Variants in PSD3 observed in about 807,000 individuals in gnomAD.
PSD3 encodes the protein PH and SEC7 domain-containing protein 3.
In PSD3, 49 loss-of-function variants were observed where a neutral mutation model predicts 105.5. That is an observed-to-expected ratio of 0.46 (90% CI 0.37 to 0.59). The LOEUF is 0.59. Among genes scored for constraint, PSD3 ranks in the 20% least tolerant of loss-of-function variants. The pLI, the probability that PSD3 is intolerant of heterozygous loss-of-function variation, is 0.00. For synonymous variants in PSD3, 557 were observed against 457.8 expected, an observed-to-expected ratio of 1.22 and a Z score of -2.77; for missense variants, 1,561 against 1,263.8, an observed-to-expected ratio of 1.24 and a Z score of -3.57.
rs535109178 is a variant in PSD3, at chr8:18,621,120, G to T, written c.2410+11493C>A. On this transcript the variant is annotated intron_variant, in intron 11 of 15. Coordinates refer to ENST00000327040, the MANE Select transcript of PSD3 (RefSeq NM_015310.4). ...TCCATTGTTCCTAGTCAAGAGTATTGCTTCCAGCCAGGCACGGTGGCTCAC... is the reference window on the plus strand; with the variant it reads ...TCCATTGTTCCTAGTCAAGAGTATTTCTTCCAGCCAGGCACGGTGGCTCAC... Among the ~76,000 whole-genome samples, 34 of 152,122 alleles carry T rather than the reference G, an allele frequency of 2.2e-4. No homozygotes were observed. In the South Asian group the frequency reaches 2.9e-3, roughly 13 times the overall value.
intron 1 of PSD3, among the ~76,000 whole-genome samples, chr8:18,990,925 T>C (rs761208857): frequency 2.6e-5 from 4 of 152,290 alleles, no homozygotes; most frequent in Non-Finnish European, 5.9e-5. Flanking sequence ...AGCAAAATCC[T>C]GCCTCCAAAG....
At chr8:18,548,758 G>C (rs962129334) in intron 15 of PSD3, among the ~76,000 whole-genome samples, 1 of 152,152 alleles carries the variant, frequency 6.6e-6, no homozygotes, top group African/African-American at 2.4e-5. Context: ...GGCTTGGGGT[G>C]GGGATGGGAG....
At chr8:18,955,279 C>A (rs61538277) in intron 1 of PSD3, among the ~76,000 whole-genome samples, 59,585 of 151,906 alleles carry the variant, frequency 0.39, 11,866 homozygotes, top group Non-Finnish European at 0.41. Flanking sequence ...CTCACTCTGT[C>A]ACCCAGGCTG....
chr8:18,575,335 A>C, intron 12 of PSD3, 50 bp from the exon 13 acceptor site: 1 of 1,465,786 alleles, frequency 6.8e-7, no homozygotes, highest in South Asian at 1.5e-5. Context: ...ATCAGATTTC[A>C]ACTTAATTTT....
intron 14 of PSD3, among the ~76,000 whole-genome samples, 196 bp from the exon 15 acceptor site, chr8:18,556,548 A>G (rs534706158): frequency 6.6e-6 from 1 of 152,268 alleles, no homozygotes; most frequent in East Asian, 1.9e-4. Flanking sequence ...CGGGATGGCA[A>G]TCAAGGCCAA....
intron 1 of PSD3, among the ~76,000 whole-genome samples, chr8:19,045,171 C>T (rs1828273595): frequency 6.6e-6 from 1 of 151,220 alleles, no homozygotes; most frequent in Non-Finnish European, 1.5e-5. Flanking sequence ...GGTGACGGAG[C>T]AAGACTCCAT....
intron 1 of PSD3, among the ~76,000 whole-genome samples, chr8:18,945,877 G>A (rs1203216807): frequency 6.6e-6 from 1 of 152,136 alleles, no homozygotes; most frequent in African/African-American, 2.4e-5. Flanking sequence ...AGGAGGCTGA[G>A]ACAGGAGAAT....
chr8:18,796,282 C>G (rs925408249), intron 8 of PSD3, among the ~76,000 whole-genome samples: 4 of 152,086 alleles, frequency 2.6e-5, no homozygotes, highest in African/African-American at 9.7e-5. Context: ...ATCATAGCAC[C>G]TCAGCAACCT....
intron 1 of PSD3, among the ~76,000 whole-genome samples, chr8:19,007,044 C>G (rs1277429098): frequency 6.6e-6 from 1 of 151,998 alleles, no homozygotes; most frequent in Non-Finnish European, 1.5e-5. Flanking sequence ...CACCTGAGGT[C>G]AGGAGTTTGA....
intron 9 of PSD3, among the ~76,000 whole-genome samples, chr8:18,740,114 GGA>G (rs1173138106): frequency 1.3e-5 from 2 of 152,154 alleles, no homozygotes; most frequent in African/African-American, 2.4e-5. Flanking sequence ...TGCTGTCCAT[GGA>G]GCTGCTCTGG....
At chr8:18,596,255 G>T (rs375918929) in intron 12 of PSD3, among the ~76,000 whole-genome samples, 1 of 151,946 alleles carries the variant, frequency 6.6e-6, no homozygotes, top group African/African-American at 2.4e-5. Flanking sequence ...AACAAAAGCA[G>T]TACCAATAGG....
intron 12 of PSD3, among the ~76,000 whole-genome samples, chr8:18,586,679 C>T (rs1294582146): frequency 6.6e-6 from 1 of 152,036 alleles, no homozygotes; most frequent in Non-Finnish European, 1.5e-5. Flanking sequence ...TTTCGAAGAC[C>T]AATTTGATTC....
chr8:18,642,466 C>T (rs1285584372), intron 10 of PSD3, among the ~76,000 whole-genome samples: 1 of 152,112 alleles, frequency 6.6e-6, no homozygotes, highest in African/African-American at 2.4e-5. Context: ...CATCTTGTAT[C>T]ATTCCTCATC....
chr8:18,637,279 G>A (rs17695358), intron 10 of PSD3, among the ~76,000 whole-genome samples: 3,857 of 152,120 alleles, frequency 0.025, 77 homozygotes, highest in East Asian at 0.081. Context: ...ACATTCCTTC[G>A]TTATAGTCTG....
chr8:19,066,236 C>A (rs1829072156), intron 1 of PSD3, among the ~76,000 whole-genome samples: 1 of 152,180 alleles, frequency 6.6e-6, no homozygotes, highest in Non-Finnish European at 1.5e-5. Flanking sequence ...TCATTAAAAT[C>A]ATTACAGAGT....
At chr8:18,582,596 G>A (rs1332640265) in intron 12 of PSD3, among the ~76,000 whole-genome samples, 3 of 151,830 alleles carry the variant, frequency 2.0e-5, no homozygotes, top group Non-Finnish European at 4.4e-5. Context: ...TGCATTTCTG[G>A]CCCCTTCATT....
chr8:18,831,253 C>T (rs956735190), intron 4 of PSD3, among the ~76,000 whole-genome samples: 6 of 152,220 alleles, frequency 3.9e-5, no homozygotes, highest in African/African-American at 9.7e-5. Context: ...ATTAAATACA[C>T]ACCCTTCTGC....
In PSD3 at chr8:18,923,914, T is replaced by TTATATATATATACATATATGTGTGTGTA. The variant is rs1563425832; in HGVS notation, c.130+12119_130+12120insTACACACACATATATGTATATATATATA. 2.0e-4 allele frequency among the ~76,000 whole-genome samples: 31 copies of TTATATATATATACATATATGTGTGTGTA among 151,990 alleles called. 1 individual carries two copies. Among genetic ancestry groups the TTATATATATATACATATATGTGTGTGTA allele is most frequent in the African/African-American group, 7.2e-4 (30 of 41,402 alleles). On this transcript the variant is annotated intron_variant, in intron 2 of 15. Coordinates refer to ENST00000327040, the MANE Select transcript of PSD3 (RefSeq NM_015310.4). ...TATATATATACATATATGTGTGTGTTTTATATATATATACATATATTAAAC... is the reference window on the plus strand; with the variant it reads ...TATATATATACATATATGTGTGTGTTTATATATATATACATATATGTGTGTGTATTATATATATATACATATATTAAAC...
chr8:18,584,599 C>G (rs1389468303), intron 12 of PSD3, among the ~76,000 whole-genome samples: 2 of 152,224 alleles, frequency 1.3e-5, no homozygotes, highest in Non-Finnish European at 2.9e-5. Flanking sequence ...AAACCAGTCT[C>G]ATTTCTGGCT....
Sources: allele counts gnomAD v4.1 joint callset (sites outside exome capture counted in the v4.1 genomes callset), GRCh38; gene constraint gnomAD v4.1.1; transcripts MANE v1.5; gene names NCBI Gene and HGNC (gene_info 2026-07-23, HGNC 2026-07-21).